The following PBX3 variants were observed in gnomAD, a reference collection of about 807,000 sequenced individuals.
PBX3 encodes pre-B-cell leukemia transcription factor 3.
In PBX3, 14 loss-of-function variants were observed where a neutral mutation model predicts 48.5. That is an observed-to-expected ratio of 0.29 (90% confidence interval 0.19 to 0.45). The LOEUF (loss-of-function observed/expected upper bound fraction) is 0.45, where lower values mean the gene tolerates loss of function less well. PBX3 is among the 20% of genes least tolerant of loss of function. The probability of loss-of-function intolerance (pLI) is 1.00; values close to 1 mark genes in which losing one functional copy is unlikely to be tolerated. For synonymous variants in PBX3, 210 were observed against 200.3 expected (o/e 1.05, Z -0.41); for missense variants, 386 against 546.7 (o/e 0.71, Z 2.93).
intron 2 of PBX3, among the ~76,000 whole-genome samples, chr9:125,796,179 G>T (rs1837773476): frequency 6.6e-6 from 1 of 152,184 alleles, no homozygotes; most frequent in Non-Finnish European, 1.5e-5. Flanking sequence ...TCAGTTCACT[G>T]CCCAGGGTTA....
intron 2 of PBX3, among the ~76,000 whole-genome samples, chr9:125,799,046 G>A (rs1365460102): frequency 6.6e-6 from 1 of 152,026 alleles, no homozygotes; most frequent in African/African-American, 2.4e-5. Flanking sequence ...ATTTCCTGAT[G>A]TTTTTGGGGT....
chr9:125,875,609 A>C (rs1050879505), intron 2 of PBX3, among the ~76,000 whole-genome samples: 2 of 152,144 alleles, frequency 1.3e-5, no homozygotes, highest in Admixed American at 6.5e-5. Context: ...ATAACCTACC[A>C]ACTAGAATTC....
chr9:125,944,918 T>G (rs976264963), intron 5 of PBX3, among the ~76,000 whole-genome samples: 1 of 152,028 alleles, frequency 6.6e-6, no homozygotes, highest in Non-Finnish European at 1.5e-5. Flanking sequence ...AAGTGTGTAG[T>G]TGGGATAAAA....
intron 2 of PBX3, among the ~76,000 whole-genome samples, chr9:125,857,780 G>T (rs1839760756): frequency 6.6e-6 from 1 of 152,180 alleles, no homozygotes; most frequent in Non-Finnish European, 1.5e-5. Flanking sequence ...TACTTAGGAA[G>T]AATTTTGGAT....
At chr9:125,779,423 G>T (rs940193578) in intron 2 of PBX3, among the ~76,000 whole-genome samples, 1 of 135,308 alleles carries the variant, frequency 7.4e-6, no homozygotes. Flanking sequence ...CAGTGTTTGT[G>T]TCCCTGGGTA....
intron 5 of PBX3, among the ~76,000 whole-genome samples, chr9:125,956,581 A>T (rs1020391218): frequency 3.3e-5 from 5 of 152,318 alleles, no homozygotes; most frequent in African/African-American, 1.2e-4. Flanking sequence ...GGACTGCATA[A>T]TGTGCACTAC....
rs553021850 is a variant in PBX3 at position 125,905,726 on chromosome 9, T to A, written c.275-9960T>A. 1.8e-4 allele frequency among the ~76,000 whole-genome samples: 27 copies of A among 152,180 alleles called. 2 individuals are homozygous for A. In the South Asian group the frequency reaches 5.0e-3, roughly 28 times the overall value. ...TTGTGAATACACTTGCACTAGAATGTTTCATTTTATTACCTAGTTAAACCA... is the reference window on the plus strand; with the variant it reads ...TTGTGAATACACTTGCACTAGAATGATTCATTTTATTACCTAGTTAAACCA... On this transcript the variant is annotated intron_variant, in intron 2 of 8. Coordinates refer to ENST00000373489, the MANE Select transcript of PBX3 (RefSeq NM_006195.6).
intron 2 of PBX3, among the ~76,000 whole-genome samples, chr9:125,860,452 G>A (rs1279852693): frequency 6.6e-6 from 1 of 152,230 alleles, no homozygotes; most frequent in Non-Finnish European, 1.5e-5. Context: ...GGTAGCCAGT[G>A]AAGGGTAGTG....
chr9:125,776,100 A>G (rs1456698925), intron 2 of PBX3, among the ~76,000 whole-genome samples: 2 of 152,128 alleles, frequency 1.3e-5, no homozygotes, highest in African/African-American at 2.4e-5. Flanking sequence ...TCTTTCCTCA[A>G]TGATCTGACT....
chr9:125,776,610 A>G (rs1588134535), intron 2 of PBX3, among the ~76,000 whole-genome samples: 1 of 152,190 alleles, frequency 6.6e-6, no homozygotes, highest in East Asian at 1.9e-4. Flanking sequence ...GTCTTGGCTC[A>G]CTGCAAACTC....
At position 125,877,459 on chromosome 9, in the gene PBX3, C is replaced by T. The variant is rs1326821562; in HGVS notation, c.275-38227C>T. 3.9e-5 allele frequency among the ~76,000 whole-genome samples: 6 copies of T among 152,146 alleles called. No individual in the cohort carries two copies. In the East Asian group the frequency reaches 1.2e-3, roughly 29 times the overall value. ...TCTGTCACACCAGATGGCATTAGCT[C>T]TTTGTTGTGTATATCAAAGAGCTAC... On this transcript the variant is annotated intron_variant, in intron 2 of 8. Coordinates refer to ENST00000373489, the MANE Select transcript of PBX3 (RefSeq NM_006195.6).
At chr9:125,918,600 A>G (rs1002380756) in intron 3 of PBX3, among the ~76,000 whole-genome samples, 1 of 152,206 alleles carries the variant, frequency 6.6e-6, no homozygotes, top group Admixed American at 6.5e-5. Flanking sequence ...ATGGAAAAAT[A>G]TAGATATATA....
At position 125,902,909 on chromosome 9, in the gene PBX3, A is replaced by G. The variant is rs1388284123; in HGVS notation, c.275-12777A>G. 2.6e-5 allele frequency among the ~76,000 whole-genome samples: 4 copies of G among 151,958 alleles called. No homozygotes were observed. The East Asian group carries it at 7.7e-4, about 29-fold the overall frequency. Reference sequence around the variant, plus strand: ...AAAATAACACTTGTAAACATAAATTATAAATTAAATTATGCTTTTTATTAT... The same window carrying G: ...AAAATAACACTTGTAAACATAAATTGTAAATTAAATTATGCTTTTTATTAT... On this transcript the variant is annotated intron_variant, in intron 2 of 8. Coordinates refer to ENST00000373489, the MANE Select transcript of PBX3 (RefSeq NM_006195.6).
At chr9:125,839,887 A>C (rs1267115111) in intron 2 of PBX3, among the ~76,000 whole-genome samples, 1 of 152,144 alleles carries the variant, frequency 6.6e-6, no homozygotes, top group Non-Finnish European at 1.5e-5. Context: ...TGTATACTCT[A>C]TTTTGAAGTA....
intron 2 of PBX3, among the ~76,000 whole-genome samples, chr9:125,803,736 C>CT (rs1374882395): frequency 2.6e-5 from 4 of 152,142 alleles, no homozygotes; most frequent in Non-Finnish European, 5.9e-5. Flanking sequence ...GATGACTACT[C>CT]TCGTTTATTT....
intron 2 of PBX3, among the ~76,000 whole-genome samples, chr9:125,795,132 C>T (rs1203639653): frequency 1.3e-5 from 2 of 152,280 alleles, no homozygotes; most frequent in African/African-American, 2.4e-5. Flanking sequence ...CTGTTCTTTG[C>T]GTCCATGCTC....
chr9:125,890,884 TTAAAA>T (rs1840625357), intron 2 of PBX3, among the ~76,000 whole-genome samples: 2 of 152,206 alleles, frequency 1.3e-5, no homozygotes, highest in African/African-American at 2.4e-5. Context: ...GTGCTTTTCT[TTAAAA>T]TAAAGGATTG....
At chr9:125,924,323 A>G (rs1166463574) in intron 3 of PBX3, among the ~76,000 whole-genome samples, 1 of 152,234 alleles carries the variant, frequency 6.6e-6, no homozygotes, top group Non-Finnish European at 1.5e-5. Context: ...CTTGAGTCTC[A>G]TATCTGCTTC....
rs1428963588 is a variant in PBX3, at chr9:125,966,727, A to C, written c.*804A>C. On this transcript the variant is annotated 3_prime_UTR_variant, in exon 9 of 9. Transcript: ENST00000373489. ...CTGGAGTGTTGTATATAGTGTAGCA[A>C]AAGAGTATTTATACATCCCACCAAT... is the stretch of plus-strand genomic sequence containing the variant. 1 of 152,678 alleles carries C rather than the reference A, an allele frequency of 6.5e-6. No homozygotes were observed. Among genetic ancestry groups the C allele is most frequent in the Admixed American group, 6.5e-5 (1 of 15,282 alleles). The allele number at this position is 152,678 out of a possible 1,614,324, so 9.5% of individuals were successfully genotyped here.
Sources: gnomAD v4.1 joint callset for allele counts (sites outside exome capture counted in the v4.1 genomes callset) on GRCh38, gnomAD v4.1.1 for gene constraint, MANE v1.5 for transcripts, NCBI Gene and HGNC (gene_info 2026-07-23, HGNC 2026-07-21) for gene names.